Variants in ARHGAP28 observed in about 807,000 individuals in gnomAD.
The protein encoded by ARHGAP28 is rho GTPase-activating protein 28.
Under a neutral mutation model 90.7 loss-of-function variants are expected in ARHGAP28, and 56 were observed. That is an observed-to-expected ratio of 0.62 (90% CI 0.50 to 0.77). The LOEUF (loss-of-function observed/expected upper bound fraction) is 0.77. Ranked by LOEUF, ARHGAP28 falls within the 30% of genes least tolerant of loss-of-function variation. The probability of loss-of-function intolerance (pLI) is 0.00; values close to 1 mark genes in which losing one functional copy is unlikely to be tolerated. For missense variants in ARHGAP28, 869 were observed against 900.9 expected, an observed-to-expected ratio of 0.96 and a Z score of 0.45; for synonymous variants, 308 against 323.3, an observed-to-expected ratio of 0.95 and a Z score of 0.51.
chr18:6,793,983 G>GA (rs1567949572), intron 1 of ARHGAP28, among the ~76,000 whole-genome samples: 1 of 151,898 alleles, frequency 6.6e-6, no homozygotes, highest in Non-Finnish European at 1.5e-5. Context: ...TTTTCAGTCA[G>GA]AAAAAAATAA....
chr18:6,791,258 A>C (rs2056404433), intron 1 of ARHGAP28: 1 of 152,152 alleles, frequency 6.6e-6, no homozygotes, highest in African/African-American at 2.4e-5. Flanking sequence ...AGGCTAGGCC[A>C]GTCTCTCCTT....
At position 6,870,765 on chromosome 18, in the gene ARHGAP28, C is replaced by T. The variant is rs765671323; in HGVS notation, c.954+33C>T. ...AAACCTTTCATGATTATTCCAGGAA[C>T]TTCCTGTGACTTCATAGGACAAAAC... is the stretch of plus-strand genomic sequence containing the variant. On this transcript the variant is annotated intron_variant, in intron 7 of 17. Transcript: ENST00000383472. The T allele has an allele frequency of 1.3e-5, 20 of 1,562,370 alleles. No homozygotes were observed. In the African/African-American group the frequency reaches 2.4e-4, roughly 19 times the overall value.
intron 16 of ARHGAP28, chr18:6,897,493 T>C (rs1397491349): frequency 6.6e-6 from 1 of 152,202 alleles, no homozygotes. Context: ...CTGGACATGC[T>C]TACTAAAGAA....
intron 2 of ARHGAP28, among the ~76,000 whole-genome samples, chr18:6,827,970 A>G (rs1188312196): frequency 1.1e-4 from 16 of 151,810 alleles, no homozygotes; most frequent in African/African-American, 3.4e-4. Context: ...AGAGGCTGCA[A>G]TCTCGGCACT....
rs2057408846 is a variant in ARHGAP28 at position 6,913,361 on chromosome 18, A to G, written c.*1207A>G. The G allele has an allele frequency of 6.6e-6, 1 of 152,206 alleles. No homozygotes were observed. Among genetic ancestry groups the G allele is most frequent in the South Asian group, 2.1e-4 (1 of 4,824 alleles). The allele number at this position is 152,206 out of a possible 1,614,324, so 9.4% of individuals were successfully genotyped here. A position where few individuals can be genotyped will look rare whatever the true frequency, so the allele number is the denominator to read the frequency against. ...GACAGCTCTGACTTTCCTCGAGACTATGGATATAGTCCTTCTCAGATTAGC... is the reference window on the plus strand; with the variant it reads ...GACAGCTCTGACTTTCCTCGAGACTGTGGATATAGTCCTTCTCAGATTAGC... On this transcript the variant is annotated 3_prime_UTR_variant, in exon 18 of 18. Transcript: ENST00000383472.
chr18:6,753,763 C>T (rs2056087989), intron 1 of ARHGAP28, among the ~76,000 whole-genome samples: 1 of 152,186 alleles, frequency 6.6e-6, no homozygotes, highest in African/African-American at 2.4e-5. Context: ...TTCCGATTCT[C>T]TAGTAGCGTT....
At chr18:6,850,931 G>T in intron 3 of ARHGAP28, 103 bp from the exon 4 acceptor site, 1 of 1,541,752 alleles carries the variant, frequency 6.5e-7, no homozygotes, top group Non-Finnish European at 8.8e-7. Flanking sequence ...TCTCCAGGCA[G>T]CTGTACATAT....
chr18:6,790,830 C>T (rs2056401397), intron 1 of ARHGAP28: 1 of 152,008 alleles, frequency 6.6e-6, no homozygotes, highest in Non-Finnish European at 1.5e-5. Flanking sequence ...AACCGGGAGA[C>T]AGTGTTGTCA....
intron 1 of ARHGAP28, 36 bp downstream of exon 1, chr18:6,729,979 G>A: frequency 7.6e-7 from 1 of 1,319,930 alleles, no homozygotes. Flanking sequence ...CGGCGCAGTC[G>A]CGCTGGGCTT....
At chr18:6,831,471 G>GTTTT (rs57331018) in intron 2 of ARHGAP28, among the ~76,000 whole-genome samples, 30 of 109,280 alleles carry the variant, frequency 2.7e-4, no homozygotes, top group African/African-American at 4.9e-4. Flanking sequence ...GTATCTTGAT[G>GTTTT]TTTTTTTTTT....
chr18:6,855,058 C>T (rs867456089), intron 4 of ARHGAP28, among the ~76,000 whole-genome samples: 12 of 152,334 alleles, frequency 7.9e-5, no homozygotes, highest in Middle Eastern at 3.4e-3. Flanking sequence ...GAGGGCAGCT[C>T]GGCACAGGCC....
chr18:6,807,240 T>C (rs1469242783), intron 1 of ARHGAP28, among the ~76,000 whole-genome samples: 1 of 152,192 alleles, frequency 6.6e-6, no homozygotes, highest in Non-Finnish European at 1.5e-5. Context: ...AGAATAAAGT[T>C]GTAATAACTG....
chr18:6,833,378 C>T (rs575165605), intron 2 of ARHGAP28, among the ~76,000 whole-genome samples: 4 of 151,882 alleles, frequency 2.6e-5, no homozygotes, highest in African/African-American at 4.8e-5. Context: ...AAAAAAGAAA[C>T]CCTCCAGTTT....
chr18:6,857,927 A>G (rs1304597217), intron 4 of ARHGAP28, among the ~76,000 whole-genome samples: 2 of 152,186 alleles, frequency 1.3e-5, no homozygotes, highest in Admixed American at 6.5e-5. Context: ...TTGTGTGAGT[A>G]GGGGGTGCTT....
chr18:6,827,657 C>T (rs1378295975), intron 2 of ARHGAP28, among the ~76,000 whole-genome samples: 33 of 151,814 alleles, frequency 2.2e-4, no homozygotes, highest in Admixed American at 8.5e-4. Context: ...CCCCCACCTC[C>T]CTCCTGGATG....
At chr18:6,836,001 T>C (rs1216551962) in intron 2 of ARHGAP28, 3 of 152,192 alleles carry the variant, frequency 2.0e-5, no homozygotes, top group Non-Finnish European at 4.4e-5. Context: ...ACAGGGGATT[T>C]GGTCACTGAT....
chr18:6,840,037 C>T (rs2056793115), intron 3 of ARHGAP28, among the ~76,000 whole-genome samples: 1 of 152,290 alleles, frequency 6.6e-6, no homozygotes, highest in African/African-American at 2.4e-5. Flanking sequence ...GTTCTGGTGG[C>T]TTCTTTCTTC....
rs561634225 is a variant in ARHGAP28 at position 6,797,556 on chromosome 18, T to C, written c.123-27206T>C. On this transcript the variant is annotated intron_variant, in intron 1 of 17. Coordinates refer to ENST00000383472, the MANE Select transcript of ARHGAP28 (RefSeq NM_001366230.1). ...GTCTTCTGTAATAGCAGAACTTTGT[T>C]ATCTTTTTAGAACTGGCACTGCTTG... Among the ~76,000 whole-genome samples, 20 of 152,326 alleles carry C rather than the reference T, an allele frequency of 1.3e-4. 1 individual carries two copies. Among genetic ancestry groups the C allele is most frequent in the African/African-American group, 4.6e-4 (19 of 41,562 alleles).
chr18:6,769,566 A>T (rs1458047630), intron 1 of ARHGAP28, among the ~76,000 whole-genome samples: 1 of 152,226 alleles, frequency 6.6e-6, no homozygotes, highest in African/African-American at 2.4e-5. Flanking sequence ...AGGTACTGGT[A>T]TGATCTCTAT....
Sources: gnomAD v4.1 joint callset for allele counts (sites outside exome capture counted in the v4.1 genomes callset) on GRCh38, gnomAD v4.1.1 for gene constraint, MANE v1.5 for transcripts, NCBI Gene and HGNC (gene_info 2026-07-23, HGNC 2026-07-21) for gene names.